The following FYB1 variants were observed in gnomAD, a reference collection of about 807,000 sequenced individuals.
FYB1 encodes FYN binding protein 1, also known as FYN-binding protein 1.
A neutral mutation model predicts 94.1 loss-of-function variants in FYB1; 41 were observed. That is an observed-to-expected ratio of 0.44 (90% CI 0.34 to 0.57). The LOEUF (loss-of-function observed/expected upper bound fraction) is 0.57. FYB1 is among the 20% of genes least tolerant of loss of function. FYB1 has a pLI of 0.02. For synonymous variants in FYB1, 367 were observed against 353.2 expected, an observed-to-expected ratio of 1.04 and a Z score of -0.44; for missense variants, 1,050 against 976.8, an observed-to-expected ratio of 1.07 and a Z score of -1.00.
chr5:39,111,086 TAA>T, intron 16 of FYB1, among the ~76,000 whole-genome samples: 1 of 152,136 alleles, frequency 6.6e-6, no homozygotes, highest in African/African-American at 2.4e-5. Context: ...GCAAGAAAGC[TAA>T]GTTTTGTTGT....
At chr5:39,214,231 C>G (rs1452769711) in intron 1 of FYB1, among the ~76,000 whole-genome samples, 1 of 152,074 alleles carries the variant, frequency 6.6e-6, no homozygotes, top group African/African-American at 2.4e-5. Context: ...TTAAAAAAAG[C>G]AGAAAATAAC....
At chr5:39,195,947 G>GA (rs1201362471) in intron 2 of FYB1, among the ~76,000 whole-genome samples, 1 of 147,028 alleles carries the variant, frequency 6.8e-6, no homozygotes, top group Non-Finnish European at 1.5e-5. Context: ...TTGTTCTTAG[G>GA]AAAAAAAAAT....
chr5:39,247,301 CT>C (rs1251272262), intron 1 of FYB1, among the ~76,000 whole-genome samples: 14 of 151,412 alleles, frequency 9.2e-5, no homozygotes, highest in Non-Finnish European at 1.6e-4. Flanking sequence ...TTTTGTATAT[CT>C]TTACTTGGCT....
intron 2 of FYB1, among the ~76,000 whole-genome samples, chr5:39,183,212 C>T (rs1422033538): frequency 1.3e-5 from 2 of 152,184 alleles, no homozygotes; most frequent in East Asian, 3.9e-4. Flanking sequence ...TCTCGAACTC[C>T]CAACCTCAGG....
intron 1 of FYB1, among the ~76,000 whole-genome samples, chr5:39,227,614 A>C (rs1750537483): frequency 1.3e-5 from 2 of 152,246 alleles, no homozygotes; most frequent in Non-Finnish European, 2.9e-5. Flanking sequence ...CACTAAAGTG[A>C]ATTCATGTAA....
At chr5:39,161,689 A>C in intron 2 of FYB1, among the ~76,000 whole-genome samples, 1 of 152,178 alleles carries the variant, frequency 6.6e-6, no homozygotes, top group East Asian at 1.9e-4. Flanking sequence ...TTATAAAAAT[A>C]ACCACTGAAG....
At chr5:39,253,379 C>G (rs1389056309) in intron 1 of FYB1, among the ~76,000 whole-genome samples, 3 of 152,128 alleles carry the variant, frequency 2.0e-5, no homozygotes, top group African/African-American at 2.4e-5. Flanking sequence ...CAAAAGCCAT[C>G]TGGGGAGTCC....
rs764577893 is a variant in FYB1 at position 39,134,902 on chromosome 5, G to A, written c.1628C>T (p.Thr543Ile). The change falls in exon 8 of 19, where the codon ACA (threonine) becomes ATA (isoleucine). Residue 543 changes from threonine to isoleucine, a missense_variant. Thr to Ile is a moderately conservative substitution (Grantham distance 89, BLOSUM62 -1). Transcript: ENST00000512982. The part of the protein sequence containing the change: ...QGEQIEIIRI[T>I]DNPEGKWLGR... ...CAACCATTTTCCTTCTGGGTTGTCT[G>A]TGATGCGGATGATTTCAATTTGCTC... The A allele has an allele frequency of 6.2e-7, 1 of 1,613,920 alleles. No individual in the cohort carries two copies. Among genetic ancestry groups the A allele is most frequent in the South Asian group, 1.1e-5 (1 of 91,080 alleles).
intron 1 of FYB1, among the ~76,000 whole-genome samples, chr5:39,236,864 C>T (rs1430177650): frequency 2.0e-5 from 3 of 149,590 alleles, no homozygotes; most frequent in Non-Finnish European, 4.4e-5. Context: ...GAGATATTAG[C>T]TAATGTAAGG....
At chr5:39,110,500 T>A (rs1188460838) in intron 16 of FYB1, 111 bp from the exon 17 acceptor site, 1 of 598,096 alleles carries the variant, frequency 1.7e-6, no homozygotes, top group South Asian at 2.8e-5. Flanking sequence ...ATTGAATAAT[T>A]GTATCTATCT....
At chr5:39,234,734 C>A (rs1011248967) in intron 1 of FYB1, among the ~76,000 whole-genome samples, 9 of 152,182 alleles carry the variant, frequency 5.9e-5, no homozygotes, top group African/African-American at 2.2e-4. Flanking sequence ...GAGTTCATGT[C>A]CTTTGCAGGG....
chr5:39,240,254 T>G (rs547972468), intron 1 of FYB1, among the ~76,000 whole-genome samples: 1 of 152,322 alleles, frequency 6.6e-6, no homozygotes, highest in African/African-American at 2.4e-5. Flanking sequence ...ATTCTGGGCA[T>G]AGGCCCTGGC....
At chr5:39,109,594 T>C (rs1211865325) in intron 17 of FYB1, among the ~76,000 whole-genome samples, 2 of 152,130 alleles carry the variant, frequency 1.3e-5, no homozygotes, top group African/African-American at 4.8e-5. Context: ...CACACTGATT[T>C]GTGTTTTTCT....
At chr5:39,228,748 T>A (rs946482313) in intron 1 of FYB1, among the ~76,000 whole-genome samples, 8 of 152,332 alleles carry the variant, frequency 5.3e-5, no homozygotes, top group African/African-American at 1.7e-4. Flanking sequence ...ATACTTCTTA[T>A]ATATGAACTT....
At chr5:39,113,278 C>A in intron 16 of FYB1, among the ~76,000 whole-genome samples, 1 of 151,944 alleles carries the variant, frequency 6.6e-6, no homozygotes, top group Non-Finnish European at 1.5e-5. Flanking sequence ...CATGAAATAA[C>A]AACAACAACA....
chr5:39,268,380 A>T (rs1752524086), intron 1 of FYB1, among the ~76,000 whole-genome samples: 1 of 151,636 alleles, frequency 6.6e-6, no homozygotes, highest in Non-Finnish European at 1.5e-5. Context: ...GGCATGCACC[A>T]CTAGGCCTGG....
Position 39,110,341 on chromosome 5 carries a change from A to T in FYB1, c.2435+15T>A, listed in dbSNP as rs1167946611. On this transcript the variant is annotated intron_variant, in intron 17 of 18. Transcript: ENST00000512982. ...TTCTTTTCACAAGCATAGTAGTAGA[A>T]GAAAATGGGCTTACTTGTCCGCTAG... 32 of 1,572,372 alleles carry T rather than the reference A, an allele frequency of 2.0e-5. No homozygotes were observed. Among genetic ancestry groups the T allele is most frequent in the Non-Finnish European group, 2.8e-5 (32 of 1,150,036 alleles).
At chr5:39,108,207 A>C (rs377022) in intron 18 of FYB1, 24 bp downstream of exon 18, 1 of 1,507,962 alleles carries the variant, frequency 6.6e-7, no homozygotes, top group Non-Finnish European at 9.0e-7. Flanking sequence ...ACTGTTCTCT[A>C]GGGTGGTACT....
chr5:39,269,813 C>T (rs1200323898), intron 1 of FYB1: 1 of 152,214 alleles, frequency 6.6e-6, no homozygotes, highest in Non-Finnish European at 1.5e-5. Context: ...TTCCAGTCTT[C>T]TGGGGGCTGG....
Sources: gnomAD v4.1 joint callset for allele counts (sites outside exome capture counted in the v4.1 genomes callset) on GRCh38, gnomAD v4.1.1 for gene constraint, MANE v1.5 for transcripts, NCBI Gene and HGNC (gene_info 2026-07-23, HGNC 2026-07-21) for gene names.